Variants in GRSF1 observed in about 807,000 individuals in gnomAD.
GRSF1 encodes the protein G-rich RNA sequence binding factor 1, also known as G-rich sequence factor 1.
In GRSF1, 50 loss-of-function variants were observed where a neutral mutation model predicts 51.1. That is an observed-to-expected ratio of 0.98 (90% CI 0.78 to 1.24). GRSF1 has a LOEUF of 1.24. Ranked by LOEUF, GRSF1 falls within the 50% of genes most tolerant of loss-of-function variation. The pLI, the probability that GRSF1 is intolerant of heterozygous loss-of-function variation, is 0.00. For synonymous variants in GRSF1, 293 were observed against 253.3 expected (o/e 1.16, Z -1.49); for missense variants, 700 against 639.7 (o/e 1.09, Z -1.02).
At chr4:70,839,437 A>C in intron 1 of GRSF1, 34 bp downstream of exon 1, 3 of 1,482,402 alleles carry the variant, frequency 2.0e-6, no homozygotes, top group Non-Finnish European at 2.7e-6. Context: ...CCCGGGAGGG[A>C]TCTCGCGCCA....
chr4:70,835,805 T>C (rs1734184034), intron 2 of GRSF1, among the ~76,000 whole-genome samples: 1 of 152,166 alleles, frequency 6.6e-6, no homozygotes, highest in Non-Finnish European at 1.5e-5. Flanking sequence ...CATATGTAAA[T>C]TGAGACAGTC....
In GRSF1 at chr4:70,816,436, AAT is replaced by A. The variant is rs1263750665; in HGVS notation, c.*4449_*4450del. ...TGCAAATCTCCCTCAAAAAAACTCCAATGACGGCTGGGTGTGGTGGCTGATGC... is the reference window on the plus strand; with the variant it reads ...TGCAAATCTCCCTCAAAAAAACTCCAGACGGCTGGGTGTGGTGGCTGATGC... On this transcript the variant is annotated 3_prime_UTR_variant, in exon 10 of 10. Coordinates refer to ENST00000254799, the MANE Select transcript of GRSF1 (RefSeq NM_002092.4). The A allele has an allele frequency of 5.3e-5, 8 of 152,180 alleles. 1 individual carries two copies. The highest frequency in any genetic ancestry group is 4.6e-4 in the Admixed American group (7 of 15,274). The allele number at this position is 152,180 out of a possible 1,614,324, so 9.4% of individuals were successfully genotyped here.
upstream of GRSF1, among the ~76,000 whole-genome samples, chr4:70,842,436 G>A (rs1325794497): frequency 6.6e-6 from 1 of 152,074 alleles, no homozygotes; most frequent in South Asian, 2.1e-4. Context: ...GGGAATCCTA[G>A]AGTTACTTAT....
chr4:70,840,780 A>G (rs1364467737), upstream of GRSF1, among the ~76,000 whole-genome samples: 1 of 151,876 alleles, frequency 6.6e-6, no homozygotes, highest in Non-Finnish European at 1.5e-5. Flanking sequence ...ACAAACAAAA[A>G]AATTAGGTTA....
chr4:70,842,890 G>T (rs1734485004), upstream of GRSF1, among the ~76,000 whole-genome samples: 2 of 152,040 alleles, frequency 1.3e-5, no homozygotes, highest in Non-Finnish European at 2.9e-5. Context: ...CAAAAAATTA[G>T]CTGGGCGTGG....
intron 7 of GRSF1, chr4:70,825,919 G>A (rs1203218468): frequency 1.5e-5 from 7 of 482,036 alleles, no homozygotes; most frequent in East Asian, 4.2e-5. Context: ...GCGACAGAGC[G>A]AGACTCTGTC....
intron 2 of GRSF1, among the ~76,000 whole-genome samples, chr4:70,834,720 C>G (rs1028625917): frequency 7.9e-5 from 12 of 152,166 alleles, no homozygotes; most frequent in African/African-American, 2.9e-4. Flanking sequence ...CTCCCAGATT[C>G]AAGCGATTCT....
intron 2 of GRSF1, among the ~76,000 whole-genome samples, chr4:70,835,489 C>A (rs1159374536): frequency 6.9e-6 from 1 of 145,318 alleles, no homozygotes; most frequent in African/African-American, 2.5e-5. Flanking sequence ...CAGAGTCTCA[C>A]TCTGTCGCCC....
intron 1 of GRSF1, among the ~76,000 whole-genome samples, chr4:70,837,406 T>C (rs1239847030): frequency 2.0e-5 from 3 of 151,262 alleles, no homozygotes; most frequent in Non-Finnish European, 4.4e-5. Flanking sequence ...CTACTAAAAA[T>C]ACAAAAAATG....
chr4:70,840,036 G>A, upstream of GRSF1: 1 of 488,752 alleles, frequency 2.0e-6, no homozygotes. Context: ...CCCATGGTTT[G>A]GGCGGGGCTG....
rs754757833 is a variant in GRSF1 at position 70,831,650 on chromosome 4, A to T, written c.839T>A (p.Phe280Tyr). The change falls in exon 5 of 10, where the codon TTT becomes TAT. Residue 280 changes from phenylalanine to tyrosine, a missense_variant. Transcript: ENST00000254799. ...FAGLNIVDIT[F>Y]VMDYRGRRKT... The stretch of plus-strand genomic sequence containing the variant: ...TCGCCTCCCTCTATAGTCCATCACA[A>T]AAGTAATGTCAACTATATTCAGTCC... 6.2e-7 allele frequency: 1 copy of T among 1,613,458 alleles called. No homozygotes were observed.
chr4:70,821,063 T>C (rs1043058720), intron 9 of GRSF1, among the ~76,000 whole-genome samples: 3 of 152,222 alleles, frequency 2.0e-5, no homozygotes, highest in Admixed American at 1.3e-4. Context: ...TTTCAGAATA[T>C]ATTTTAAATA....
chr4:70,832,240 A>G, intron 4 of GRSF1, 67 bp downstream of exon 4: 1 of 1,365,636 alleles, frequency 7.3e-7, no homozygotes, highest in Non-Finnish European at 1.0e-6. Flanking sequence ...GGCTCATCTA[A>G]GATATAGAAG....
In GRSF1 at chr4:70,839,657, CGCGGCGGCCCCGAGCAGCAGCAGCAGGCG is replaced by C; in HGVS notation, c.142_170del (p.Arg48GlyfsTer77). Reference sequence around the variant, plus strand: ...GGCCACGCGTCTGGGAGGCAGCGGCCGCGGCGGCCCCGAGCAGCAGCAGCAGGCGGCGGCGGCCCGAGACGCCCGACGGG... The same window carrying C: ...GGCCACGCGTCTGGGAGGCAGCGGCCGCGGCGGCCCGAGACGCCCGACGGG... On this transcript the variant is annotated frameshift_variant, in exon 1 of 10. Coordinates refer to ENST00000254799, the MANE Select transcript of GRSF1 (RefSeq NM_002092.4). LOFTEE classifies it high-confidence loss of function. The C allele has an allele frequency of 7.2e-7, 1 of 1,396,942 alleles. No homozygotes were observed. The highest frequency in any genetic ancestry group is 3.0e-5 in the East Asian group (1 of 32,930). The allele number at this position is 1,396,942 out of a possible 1,614,324, so 86.5% of individuals were successfully genotyped here.
rs1421140151 is a variant in GRSF1 at position 70,832,338 on chromosome 4, G to C, written c.783C>G (p.Cys261Trp). Residue 261 changes from cysteine to tryptophan, a missense_variant, in exon 4 of 10, where the codon TGC (cysteine) becomes TGG (tryptophan). Cys to Trp is a radical substitution (Grantham distance 215, BLOSUM62 -2). Transcript: ENST00000254799. Reference sequence around the variant, plus strand: ...AGAAGTCTACAATGTCTTTCTCATTGCAACTATAAGGAAGTCCTCTCAAAC... The same window carrying C: ...AGAAGTCTACAATGTCTTTCTCATTCCAACTATAAGGAAGTCCTCTCAAAC... ...VVRLRGLPYS[C>W]NEKDIVDFFA... is the part of the protein sequence containing the mutation. 6.2e-7 allele frequency: 1 copy of C among 1,613,412 alleles called. No individual in the cohort carries two copies. The highest frequency in any genetic ancestry group is 8.5e-7 in the Non-Finnish European group (1 of 1,179,490).
rs1179230752 is a variant in GRSF1, at chr4:70,817,681, T to C, written c.*3206A>G. 2 of 152,182 alleles carry C rather than the reference T, an allele frequency of 1.3e-5. No homozygotes were observed. The highest frequency in any genetic ancestry group is 1.9e-4 in the East Asian group (1 of 5,198). 9.4% of individuals were successfully genotyped at this position (152,182 alleles called of 1,614,324 possible). ...ATTCATTGTCAATGGGAATTCAAAA[T>C]AGTCATGTTGGAACAGTTTGGCAGT... On this transcript the variant is annotated 3_prime_UTR_variant, in exon 10 of 10. Coordinates refer to ENST00000254799, the MANE Select transcript of GRSF1 (RefSeq NM_002092.4).
intron 1 of GRSF1, 142 bp downstream of exon 1, chr4:70,839,329 T>A: frequency 3.3e-6 from 5 of 1,501,854 alleles, no homozygotes; most frequent in Non-Finnish European, 4.4e-6. Context: ...GAGCACAGGG[T>A]GGACGGGGGC....
At chr4:70,839,126 G>A (rs1278291682) in intron 1 of GRSF1, 13 of 1,304,268 alleles carry the variant, frequency 1.0e-5, no homozygotes, top group Non-Finnish European at 1.3e-5. Flanking sequence ...ACCAGCCGGC[G>A]GAAAGCAAGA....
At chr4:70,823,905 A>G (rs1384864820) in intron 9 of GRSF1, among the ~76,000 whole-genome samples, 1 of 151,638 alleles carries the variant, frequency 6.6e-6, no homozygotes, top group Non-Finnish European at 1.5e-5. Flanking sequence ...GGTTTCTACC[A>G]TATTACAAAT....
Sources: gnomAD v4.1 joint callset for allele counts (sites outside exome capture counted in the v4.1 genomes callset) on GRCh38, gnomAD v4.1.1 for gene constraint, MANE v1.5 for transcripts, NCBI Gene and HGNC (gene_info 2026-07-23, HGNC 2026-07-21) for gene names.